The following KMT5B variants were observed in gnomAD, a reference collection of about 807,000 sequenced individuals.
KMT5B encodes the protein lysine methyltransferase 5B.
Under a neutral mutation model 83.2 loss-of-function variants are expected in KMT5B, and 10 were observed. The observed-to-expected ratio is 0.12, with a 90% CI of 0.07 to 0.20. The LOEUF is 0.20. KMT5B is among the 10% of genes least tolerant of loss of function. KMT5B has a pLI of 1.00. For missense variants in KMT5B, 753 were observed against 1,067.2 expected, an observed-to-expected ratio of 0.71 and a Z score of 4.10; for synonymous variants, 349 against 388.8, an observed-to-expected ratio of 0.90 and a Z score of 1.20.
At chr11:68,166,373 C>T (rs1448554912) in intron 10 of KMT5B, 4 of 1,023,282 alleles carry the variant, frequency 3.9e-6, no homozygotes, top group Non-Finnish European at 4.7e-6. Context: ...GAGGTTGCTT[C>T]TTTCTCCTTT....
At chr11:68,212,224 T>C (rs1188943322) in intron 1 of KMT5B, among the ~76,000 whole-genome samples, 2 of 152,196 alleles carry the variant, frequency 1.3e-5, no homozygotes, top group Admixed American at 6.5e-5. Flanking sequence ...AACTACACTT[T>C]ATATCAAACT....
intron 1 of KMT5B, among the ~76,000 whole-genome samples, chr11:68,203,322 C>T (rs1178101564): frequency 6.6e-6 from 1 of 152,222 alleles, no homozygotes; most frequent in Non-Finnish European, 1.5e-5. Flanking sequence ...AGACATAGGT[C>T]CATTCATATC....
intron 3 of KMT5B, among the ~76,000 whole-genome samples, chr11:68,181,755 A>T (rs1856954280): frequency 6.6e-6 from 1 of 152,252 alleles, no homozygotes; most frequent in Non-Finnish European, 1.5e-5. Context: ...AAATTCACTA[A>T]GGTTAATTGA....
intron 1 of KMT5B, among the ~76,000 whole-genome samples, chr11:68,191,799 T>C (rs903925515): frequency 6.6e-6 from 1 of 152,218 alleles, no homozygotes; most frequent in Non-Finnish European, 1.5e-5. Flanking sequence ...AGCCTAAGTG[T>C]ACGGTGTTAA....
chr11:68,187,390 CTTTT>C (rs1354324843), intron 2 of KMT5B, among the ~76,000 whole-genome samples: 4 of 152,306 alleles, frequency 2.6e-5, no homozygotes, highest in African/African-American at 7.2e-5. Context: ...TTTTATCTTT[CTTTT>C]AATTCACTTC....
intron 1 of KMT5B, among the ~76,000 whole-genome samples, chr11:68,191,926 C>T (rs754267901): frequency 6.6e-6 from 1 of 152,204 alleles, no homozygotes; most frequent in Non-Finnish European, 1.5e-5. Flanking sequence ...GTGCCCTTCA[C>T]AGGTGTACCA....
chr11:68,194,191 T>G (rs982822368), intron 1 of KMT5B, among the ~76,000 whole-genome samples: 4 of 144,572 alleles, frequency 2.8e-5, no homozygotes, highest in Non-Finnish European at 4.6e-5. Context: ...AGTACCAAGT[T>G]TTTTTTTTTT....
intron 10 of KMT5B, among the ~76,000 whole-genome samples, chr11:68,161,762 G>A (rs1034693800): frequency 3.3e-5 from 5 of 151,974 alleles, no homozygotes; most frequent in Admixed American, 3.3e-4. Context: ...CTCCTTCATC[G>A]GCCCCTTAGA....
Position 68,166,329 on chromosome 11 carries a change from T to C in KMT5B, c.1174+653A>G, listed in dbSNP as rs1020279568. 34 of 1,051,218 alleles carry C rather than the reference T, an allele frequency of 3.2e-5. 1 individual carries two copies. Among genetic ancestry groups the C allele is most frequent in the Non-Finnish European group, 1.0e-5 (9 of 871,236 alleles). 65.1% of individuals were successfully genotyped at this position (1,051,218 alleles called of 1,614,324 possible). Reference sequence around the variant, plus strand: ...TCTTCGTTCTCTTTTTCAGTTTCCATCAGATCTTGCCCCCACACACCACTG... The same window carrying C: ...TCTTCGTTCTCTTTTTCAGTTTCCACCAGATCTTGCCCCCACACACCACTG... On this transcript the variant is annotated intron_variant, in intron 10 of 10. Transcript: ENST00000304363.
intron 10 of KMT5B, chr11:68,165,593 TC>T: frequency 2.4e-6 from 1 of 422,680 alleles, no homozygotes; most frequent in Non-Finnish European, 3.6e-6. Flanking sequence ...CACCTCAGCC[TC>T]CCATGTAGCT....
At chr11:68,201,257 G>A (rs12800984) in intron 1 of KMT5B, among the ~76,000 whole-genome samples, 29,787 of 152,038 alleles carry the variant, frequency 0.2, 3,412 homozygotes, top group African/African-American at 0.32. Context: ...ACTTTCAAAA[G>A]TATTTTTTCC....
chr11:68,178,192 A>G (rs1856561989), intron 4 of KMT5B, among the ~76,000 whole-genome samples: 1 of 152,366 alleles, frequency 6.6e-6, no homozygotes, highest in East Asian at 1.9e-4. Flanking sequence ...TGTGAAAGTG[A>G]CCAATGGGAA....
Position 68,185,832 on chromosome 11 carries a change from C to T in KMT5B, c.257G>A (p.Ser86Asn). The T allele has an allele frequency of 6.2e-7, 1 of 1,614,084 alleles. No homozygotes were observed. Among genetic ancestry groups the T allele is most frequent in the Non-Finnish European group, 8.5e-7 (1 of 1,179,974 alleles). The change falls in exon 3 of 11, where the codon AGT becomes AAT. Residue 86 changes from serine to asparagine, a missense_variant. Physicochemically the swap from Ser to Asn is conservative, Grantham distance 46. Transcript: ENST00000304363. ...ACCTAAATAGGGATCAAGAACCAAA[C>T]TGGTTGCTAGGTCATCATTTTCACA... ...ELCENDDLAT[S>N]LVLDPYLGFQ...
At position 68,159,218 on chromosome 11, in the gene KMT5B, G is replaced by C; in HGVS notation, c.1175-47C>G. On this transcript the variant is annotated intron_variant, in intron 10 of 10. Transcript: ENST00000304363. Reference sequence around the variant, plus strand: ...GGTGAAAAGCCTTGGTAACAGCAGAGTTCAAGAAAAGAATGCCCAAACCCA... The same window carrying C: ...GGTGAAAAGCCTTGGTAACAGCAGACTTCAAGAAAAGAATGCCCAAACCCA... 2.0e-6 allele frequency: 3 copies of C among 1,505,168 alleles called. No individual in the cohort carries two copies. In the East Asian group the frequency reaches 6.8e-5, roughly 34 times the overall value. The allele number at this position is 1,505,168 out of a possible 1,614,324, so 93.2% of individuals were successfully genotyped here.
chr11:68,158,365 C>A lies in KMT5B; in HGVS notation c.1981G>T (p.Val661Leu). Residue 661 changes from valine to leucine, a missense_variant, in exon 11 of 11, where the codon GTG becomes TTG. This residue lies in a region of KMT5B where 397 missense variants were observed against 395.9 expected (regional missense o/e 1.00). Transcript: ENST00000304363. ...DQGEHSGTVG[V>L]PVSYTDCAPS... is the part of the protein sequence containing the mutation. ...GCACAGTCTGTGTAGCTCACAGGCACGCCCACAGTGCCACTGTGCTCACCC... is the reference window on the plus strand; with the variant it reads ...GCACAGTCTGTGTAGCTCACAGGCAAGCCCACAGTGCCACTGTGCTCACCC... 6.2e-7 allele frequency: 1 copy of A among 1,614,116 alleles called. No individual in the cohort carries two copies. The highest frequency in any genetic ancestry group is 8.5e-7 in the Non-Finnish European group (1 of 1,179,984).
intron 5 of KMT5B, 57 bp from the exon 6 acceptor site, chr11:68,173,970 T>A: frequency 8.2e-7 from 1 of 1,220,486 alleles, no homozygotes; most frequent in Non-Finnish European, 1.2e-6. Flanking sequence ...TGCTAGACTT[T>A]CTTACAATTA....
intron 3 of KMT5B, among the ~76,000 whole-genome samples, 180 bp downstream of exon 3, chr11:68,185,601 C>G (rs536780043): frequency 1.3e-5 from 2 of 152,356 alleles, no homozygotes; most frequent in South Asian, 4.1e-4. Context: ...AGAGTTAGAA[C>G]TGACAAGATT....
chr11:68,193,040 A>G (rs1858273826), intron 1 of KMT5B, among the ~76,000 whole-genome samples: 1 of 152,230 alleles, frequency 6.6e-6, no homozygotes, highest in African/African-American at 2.4e-5. Flanking sequence ...GGAATGAGAA[A>G]AAGGATGTCC....
intron 10 of KMT5B, among the ~76,000 whole-genome samples, chr11:68,163,803 C>T (rs1855059305): frequency 6.6e-6 from 1 of 152,200 alleles, no homozygotes; most frequent in Non-Finnish European, 1.5e-5. Flanking sequence ...AGCCCGAAGG[C>T]TCAGCAGAAA....
Sources: allele counts gnomAD v4.1 joint callset (sites outside exome capture counted in the v4.1 genomes callset), GRCh38; gene constraint gnomAD v4.1.1; regional missense constraint gnomAD v4.1.1; transcripts MANE v1.5; gene names NCBI Gene and HGNC (gene_info 2026-07-23, HGNC 2026-07-21).